ZNF774: variants seen among roughly 807,000 people sequenced by gnomAD.
The protein encoded by ZNF774 is zinc finger protein 774.
In ZNF774, 14 loss-of-function variants were observed where a neutral mutation model predicts 11.1. That is an observed-to-expected ratio of 1.26 (90% CI 0.83 to 1.97). The LOEUF (loss-of-function observed/expected upper bound fraction) is 1.97, where lower values mean the gene tolerates loss of function less well. Among genes scored for constraint, ZNF774 ranks in the 30% most tolerant of loss-of-function variants. ZNF774 has a pLI of 0.00. For missense variants in ZNF774, 599 were observed against 587.0 expected (o/e 1.02, Z -0.21); for synonymous variants, 195 against 212.6 (o/e 0.92, Z 0.72).
At chr15:90,355,555 T>C (rs535431045) in intron 2 of ZNF774, 42 of 387,934 alleles carry the variant, frequency 1.1e-4, no homozygotes, top group African/African-American at 7.9e-4. Context: ...AAACCCTGTC[T>C]CTACTAAAAA....
chr15:90,355,422 T>C (rs774050152), intron 2 of ZNF774: 1 of 455,878 alleles, frequency 2.2e-6, no homozygotes, highest in Middle Eastern at 3.3e-4. Context: ...AGGAGGTAAT[T>C]TTTTCTGTCA....
chr15:90,361,357 A>C lies in ZNF774; in HGVS notation c.*74A>C. 2.0e-6 allele frequency: 3 copies of C among 1,506,772 alleles called. No homozygotes were observed. Among genetic ancestry groups the C allele is most frequent in the Non-Finnish European group, 2.6e-6 (3 of 1,135,516 alleles). The allele number at this position is 1,506,772 out of a possible 1,614,324, so 93.3% of individuals were successfully genotyped here. ...CTGTCTTCAAGCACCCCAAATAGAG[A>C]AAACCTGGGCGTCAGTGGCTCAATT... is the stretch of plus-strand genomic sequence containing the variant. On this transcript the variant is annotated 3_prime_UTR_variant, in exon 4 of 4. Coordinates refer to ENST00000354377, the MANE Select transcript of ZNF774 (RefSeq NM_001004309.3).
Position 90,361,242 on chromosome 15 carries a change from A to T in ZNF774, c.1411A>T (p.Lys471Ter), listed in dbSNP as rs1964332281. 6.2e-7 allele frequency: 1 copy of T among 1,610,748 alleles called. No individual in the cohort carries two copies. Among genetic ancestry groups the T allele is most frequent in the African/African-American group, 1.3e-5 (1 of 74,708 alleles). ...TAAATGTAACAAGAGCTTCCGTCAG[A>T]AAGCGCATCTTTTATGCCATCAAAA... ...CSKCNKSFRQKAHLLCHQNTH... is the reference protein window; with the variant it reads ...CSKCNKSFRQ The change falls in exon 4 of 4, where the codon AAA (lysine) becomes TAA (stop). Residue 471 changes from lysine (K) to a stop codon, truncating the protein, a stop_gained. Coordinates refer to ENST00000354377, the MANE Select transcript of ZNF774 (RefSeq NM_001004309.3). LOFTEE classifies it high-confidence loss of function.
chr15:90,360,322 C>G lies in ZNF774; in HGVS notation c.491C>G (p.Ser164Cys). The change falls in exon 4 of 4, where the codon TCC (serine) becomes TGC (cysteine). Residue 164 changes from serine (S) to cysteine (C), a missense_variant. Physicochemically the swap from Ser to Cys is moderately radical, Grantham distance 112. Transcript: ENST00000354377. Reference sequence around the variant, plus strand: ...TGCGGGAAAAGCTTTAACCAGAGTTCCTATCTCATAAGACACCTAAGAACC... The same window carrying G: ...TGCGGGAAAAGCTTTAACCAGAGTTGCTATCTCATAAGACACCTAAGAACC... ...AECGKSFNQS[S>C]YLIRHLRTHT... is the part of the protein sequence containing the mutation. The G allele has an allele frequency of 6.2e-7, 1 of 1,614,190 alleles. No homozygotes were observed. The highest frequency in any genetic ancestry group is 1.1e-5 in the South Asian group (1 of 91,090).
At chr15:90,356,136 T>TTG in intron 2 of ZNF774, among the ~76,000 whole-genome samples, 1 of 145,406 alleles carries the variant, frequency 6.9e-6, no homozygotes, top group East Asian at 2.2e-4. Flanking sequence ...TTTTTTTTTT[T>TTG]GTGGCAGAGT....
chr15:90,360,920 C>T lies in ZNF774; in HGVS notation c.1089C>T (p.Val363=), dbSNP rs1964324211. 1.2e-6 allele frequency: 2 copies of T among 1,614,050 alleles called. No individual in the cohort carries two copies. Among genetic ancestry groups the T allele is most frequent in the Non-Finnish European group, 1.7e-6 (2 of 1,180,012 alleles). The change falls in exon 4 of 4, where the codon GTC becomes GTT. Residue 363 remains valine, a synonymous_variant. Transcript: ENST00000354377. ...GCTTCAGTCAGAGCTCACATTTGGT[C>T]ACGCACCAAAGAACACACACAGGTG... is the stretch of plus-strand genomic sequence containing the variant. The part of the protein sequence containing the change: ...HKSFSQSSHL[V]THQRTHTGER...
rs908251279 is a variant in ZNF774 at position 90,362,358 on chromosome 15, A to G, written c.*1075A>G. On this transcript the variant is annotated 3_prime_UTR_variant, in exon 4 of 4. Coordinates refer to ENST00000354377, the MANE Select transcript of ZNF774 (RefSeq NM_001004309.3). ...TCATCTGACACAGAGAAAATATCCT[A>G]CAATGAACAAGCCAGAGGGACCTGG... The G allele has an allele frequency of 1.7e-6, 1 of 580,778 alleles. No homozygotes were observed. The highest frequency in any genetic ancestry group is 1.9e-5 in the African/African-American group (1 of 53,650). 36.0% of individuals were successfully genotyped at this position (580,778 alleles called of 1,614,324 possible).
At chr15:90,358,128 C>T (rs1256629108) in intron 2 of ZNF774, among the ~76,000 whole-genome samples, 10 of 152,184 alleles carry the variant, frequency 6.6e-5, no homozygotes, top group Admixed American at 5.2e-4. Flanking sequence ...CCTCGTAATC[C>T]GCCTGCCTCG....
At position 90,362,655 on chromosome 15, in the gene ZNF774, G is replaced by A. The variant is rs1397836297; in HGVS notation, c.*1372G>A. ...TTCATTGAGAAGGTAAAGTATTTGA[G>A]TCCTGGCCCTGACGCTTAATTTGGC... On this transcript the variant is annotated 3_prime_UTR_variant, in exon 4 of 4. Transcript: ENST00000354377. 1 of 1,409,632 alleles carries A rather than the reference G, an allele frequency of 7.1e-7. No homozygotes were observed. Among genetic ancestry groups the A allele is most frequent in the Non-Finnish European group, 9.7e-7 (1 of 1,031,960 alleles). The allele number at this position is 1,409,632 out of a possible 1,614,324, so 87.3% of individuals were successfully genotyped here. A position where few individuals can be genotyped will look rare whatever the true frequency, so the allele number is the denominator to read the frequency against.
chr15:90,360,086 A>C lies in ZNF774; in HGVS notation c.255A>C (p.Glu85Asp), dbSNP rs750426957. 8.1e-6 allele frequency: 13 copies of C among 1,613,822 alleles called. No homozygotes were observed. In the Admixed American group the frequency reaches 2.0e-4, roughly 25 times the overall value. Reference sequence around the variant, plus strand: ...CAAAGCTCAATCAGGACAATTCTGAAACAGCAGAACAATGTGGAACATCCT... The same window carrying C: ...CAAAGCTCAATCAGGACAATTCTGACACAGCAGAACAATGTGGAACATCCT... ...QVAKLNQDNS[E>D]TAEQCGTSSE... The change falls in exon 4 of 4, where the codon GAA becomes GAC. Residue 85 changes from glutamate (E) to aspartate (D), a missense_variant. Coordinates refer to ENST00000354377, the MANE Select transcript of ZNF774 (RefSeq NM_001004309.3).
At position 90,360,349 on chromosome 15, in the gene ZNF774, A is replaced by C. The variant is rs1401301761; in HGVS notation, c.518A>C (p.His173Pro). The change falls in exon 4 of 4, where the codon CAC (histidine) becomes CCC (proline). Residue 173 changes from histidine to proline, a missense_variant. Physicochemically the swap from His to Pro is moderately conservative, Grantham distance 77. Coordinates refer to ENST00000354377, the MANE Select transcript of ZNF774 (RefSeq NM_001004309.3). Reference protein sequence around the residue: ...SSYLIRHLRTHTGERPYTCIE... With the variant: ...SSYLIRHLRTPTGERPYTCIE... ...TATCTCATAAGACACCTAAGAACCC[A>C]CACTGGCGAGAGGCCCTATACGTGC... 1 of 1,614,096 alleles carries C rather than the reference A, an allele frequency of 6.2e-7. No homozygotes were observed. Among genetic ancestry groups the C allele is most frequent in the Non-Finnish European group, 8.5e-7 (1 of 1,180,048 alleles).
At chr15:90,355,846 T>G (rs1227106992) in intron 2 of ZNF774, among the ~76,000 whole-genome samples, 1 of 150,094 alleles carries the variant, frequency 6.7e-6, no homozygotes, top group Non-Finnish European at 1.5e-5. Context: ...CTGGCTAACA[T>G]GGTGAAACCC....
chr15:90,357,333 C>G (rs543436324), intron 2 of ZNF774, among the ~76,000 whole-genome samples: 1 of 152,022 alleles, frequency 6.6e-6, no homozygotes, highest in South Asian at 2.1e-4. Context: ...ATAATGAGAC[C>G]CTGTCTCTAC....
chr15:90,360,708 T>C lies in ZNF774; in HGVS notation c.877T>C (p.Cys293Arg). Residue 293 changes from cysteine to arginine, a missense_variant, in exon 4 of 4, where the codon TGT (cysteine) becomes CGT (arginine). By Grantham distance (180) the Cys-to-Arg change is radical. Transcript: ENST00000354377. ...RTHTGVKPYR[C>R]NDCGESFSQS... ...CCACACAGGGGTGAAGCCTTACAGGTGTAATGACTGTGGGGAGAGTTTTAG... is the reference window on the plus strand; with the variant it reads ...CCACACAGGGGTGAAGCCTTACAGGCGTAATGACTGTGGGGAGAGTTTTAG... 1 of 1,614,128 alleles carries C rather than the reference T, an allele frequency of 6.2e-7. No homozygotes were observed. The highest frequency in any genetic ancestry group is 8.5e-7 in the Non-Finnish European group (1 of 1,180,018).
intron 2 of ZNF774, chr15:90,355,310 C>T: frequency 2.2e-6 from 1 of 456,124 alleles, no homozygotes; most frequent in African/African-American, 2.0e-5. Flanking sequence ...AATATCTCAT[C>T]ATAACTTTTT....
intron 2 of ZNF774, among the ~76,000 whole-genome samples, chr15:90,357,888 T>C (rs1343210214): frequency 1.4e-5 from 2 of 144,920 alleles, no homozygotes; most frequent in Non-Finnish European, 3.0e-5. Context: ...GATCTTATTC[T>C]TATCCCAATT....
Position 90,361,536 on chromosome 15 carries a change from G to A in ZNF774, c.*253G>A. 2 of 1,199,632 alleles carry A rather than the reference G, an allele frequency of 1.7e-6. No individual in the cohort carries two copies. Among genetic ancestry groups the A allele is most frequent in the Non-Finnish European group, 2.1e-6 (2 of 963,526 alleles). The allele number at this position is 1,199,632 out of a possible 1,614,324, so 74.3% of individuals were successfully genotyped here. On this transcript the variant is annotated 3_prime_UTR_variant, in exon 4 of 4. Coordinates refer to ENST00000354377, the MANE Select transcript of ZNF774 (RefSeq NM_001004309.3). ...GAGTTTAATAGTTGATGCCCGCCAGGCGTGGTGGCTCACCCCTGTAATCCC... is the reference window on the plus strand; with the variant it reads ...GAGTTTAATAGTTGATGCCCGCCAGACGTGGTGGCTCACCCCTGTAATCCC...
At position 90,354,654 on chromosome 15, in the gene ZNF774, C is replaced by G. The variant is rs190208658; in HGVS notation, c.-7C>G. On this transcript the variant is annotated 5_prime_UTR_variant, in exon 2 of 4. Transcript: ENST00000354377. ...TCTCTTGCTTTAGGAACTGATGACGCTTGATAATGTGGCTGGGGACTTCAG... is the reference window on the plus strand; with the variant it reads ...TCTCTTGCTTTAGGAACTGATGACGGTTGATAATGTGGCTGGGGACTTCAG... The G allele has an allele frequency of 1.1e-3, 1,793 of 1,602,506 alleles. 13 individuals are homozygous for G. The African/African-American group carries it at 0.021, about 18-fold the overall frequency.
intron 3 of ZNF774, among the ~76,000 whole-genome samples, chr15:90,359,324 G>A (rs1006195774): frequency 2.7e-4 from 41 of 150,806 alleles, no homozygotes; most frequent in Non-Finnish European, 5.2e-4. Flanking sequence ...CACCCGCCTC[G>A]GCCTCCCAAA....
Sources: gnomAD v4.1 joint callset for allele counts (sites outside exome capture counted in the v4.1 genomes callset) on GRCh38, gnomAD v4.1.1 for gene constraint, MANE v1.5 for transcripts, NCBI Gene and HGNC (gene_info 2026-07-23, HGNC 2026-07-21) for gene names.